The following ZCCHC24 variants were observed in gnomAD, a reference collection of about 807,000 sequenced individuals.
ZCCHC24 encodes the protein zinc finger CCHC domain-containing protein 24.
In ZCCHC24, 10 loss-of-function variants were observed where a neutral mutation model predicts 26.2. That is an observed-to-expected ratio of 0.38 (90% CI 0.24 to 0.65). The LOEUF (loss-of-function observed/expected upper bound fraction) is 0.65. Ranked by LOEUF, ZCCHC24 falls within the 30% of genes least tolerant of loss-of-function variation. The pLI is 0.54. For missense variants in ZCCHC24, 243 were observed against 329.1 expected (o/e 0.74, Z 2.03); for synonymous variants, 144 against 147.1 (o/e 0.98, Z 0.15).
At chr10:79,431,660 G>A (rs1378362553) in intron 2 of ZCCHC24, among the ~76,000 whole-genome samples, 1 of 152,144 alleles carries the variant, frequency 6.6e-6, no homozygotes, top group African/African-American at 2.4e-5. Context: ...AAGGGACCCA[G>A]CCCCACCCAA....
intron 2 of ZCCHC24, among the ~76,000 whole-genome samples, chr10:79,426,064 G>A (rs1181609916): frequency 1.3e-5 from 2 of 152,158 alleles, no homozygotes; most frequent in Non-Finnish European, 2.9e-5. Flanking sequence ...TCCTGCCAGT[G>A]TCCAATCCCC....
chr10:79,411,921 TC>T (rs1434869770), intron 2 of ZCCHC24, among the ~76,000 whole-genome samples: 1 of 152,104 alleles, frequency 6.6e-6, no homozygotes, highest in Non-Finnish European at 1.5e-5. Flanking sequence ...CCGTCCCCAG[TC>T]CCTGGAGCAC....
chr10:79,443,958 T>C, intron 1 of ZCCHC24: 1 of 1,149,668 alleles, frequency 8.7e-7, no homozygotes, highest in Non-Finnish European at 1.2e-6. Context: ...CAGCATTTTA[T>C]ATGTCCATGC....
Position 79,386,142 on chromosome 10 carries a change from C to T in ZCCHC24, c.*203G>A, listed in dbSNP as rs1257219924. On this transcript the variant is annotated 3_prime_UTR_variant, in exon 4 of 4. Transcript: ENST00000372336. ...AAAAAGCCCCAGACTCCCTGCTTTC[C>T]CTGGCCTGTGGGGGGCAGCAATGTC... The T allele has an allele frequency of 3.3e-6, 2 of 608,172 alleles. No individual in the cohort carries two copies. The highest frequency in any genetic ancestry group is 6.1e-6 in the Non-Finnish European group (2 of 329,850). 37.7% of individuals were successfully genotyped at this position (608,172 alleles called of 1,614,324 possible).
At chr10:79,389,529 A>AGTGT (rs5786399) in intron 3 of ZCCHC24, among the ~76,000 whole-genome samples, 50,548 of 146,112 alleles carry the variant, frequency 0.35, 8,980 homozygotes, top group East Asian at 0.56. Context: ...ACTTTTTCCT[A>AGTGT]GTGTGTGTGT....
chr10:79,396,261 ACACTGGGGCTGTTT>A (rs1856545429), intron 2 of ZCCHC24, among the ~76,000 whole-genome samples: 1 of 152,212 alleles, frequency 6.6e-6, no homozygotes, highest in South Asian at 2.1e-4. Context: ...TAGATGATAG[ACACTGGGGCTGTTT>A]CTAATGTTTG....
intron 1 of ZCCHC24, among the ~76,000 whole-genome samples, chr10:79,436,956 C>T (rs1857224757): frequency 6.6e-6 from 1 of 152,216 alleles, no homozygotes; most frequent in Non-Finnish European, 1.5e-5. Flanking sequence ...ATCTGGGGGA[C>T]CATGCATCAC....
At chr10:79,410,593 G>C (rs1856776955) in intron 2 of ZCCHC24, among the ~76,000 whole-genome samples, 1 of 152,248 alleles carries the variant, frequency 6.6e-6, no homozygotes, top group African/African-American at 2.4e-5. Context: ...TTGAGGCTTG[G>C]AGGCCAGGCC....
At chr10:79,401,212 C>T (rs1185106701) in intron 2 of ZCCHC24, among the ~76,000 whole-genome samples, 3 of 152,214 alleles carry the variant, frequency 2.0e-5, no homozygotes, top group Non-Finnish European at 4.4e-5. Flanking sequence ...TACCTCCCAG[C>T]CTGAGGTATG....
chr10:79,408,059 A>G (rs1856742545), intron 2 of ZCCHC24, among the ~76,000 whole-genome samples: 1 of 152,170 alleles, frequency 6.6e-6, no homozygotes, highest in African/African-American at 2.4e-5. Context: ...GCAAAGGAAC[A>G]CAGAGCCTGC....
At chr10:79,402,926 T>C (rs1856656803) in intron 2 of ZCCHC24, among the ~76,000 whole-genome samples, 1 of 152,206 alleles carries the variant, frequency 6.6e-6, no homozygotes, top group South Asian at 2.1e-4. Flanking sequence ...CAATATTCAT[T>C]TGTTCACCTA....
chr10:79,413,760 A>ATG (rs142243601), intron 2 of ZCCHC24, among the ~76,000 whole-genome samples: 15,031 of 144,166 alleles, frequency 0.1, 1,121 homozygotes, highest in African/African-American at 0.21. Flanking sequence ...GTGCGTGCGC[A>ATG]TGTGTGTGTG....
intron 2 of ZCCHC24, among the ~76,000 whole-genome samples, chr10:79,397,876 A>G (rs535892927): frequency 1.3e-5 from 2 of 152,222 alleles, no homozygotes; most frequent in Admixed American, 1.3e-4. Flanking sequence ...CTGGAGGTGG[A>G]CTCTGGGAAT....
chr10:79,409,872 G>A (rs1201014295), intron 2 of ZCCHC24, among the ~76,000 whole-genome samples: 2 of 152,214 alleles, frequency 1.3e-5, no homozygotes, highest in African/African-American at 2.4e-5. Flanking sequence ...GGGGAGGACG[G>A]GGGCTCTCAA....
At chr10:79,418,900 G>C (rs996425097) in intron 2 of ZCCHC24, among the ~76,000 whole-genome samples, 2 of 152,310 alleles carry the variant, frequency 1.3e-5, no homozygotes, top group South Asian at 2.1e-4. Flanking sequence ...CTCCCTGAGA[G>C]AGGTGGGCTC....
intron 2 of ZCCHC24, chr10:79,403,639 C>A (rs1414940000): frequency 1.9e-5 from 19 of 977,216 alleles, no homozygotes; most frequent in Non-Finnish European, 2.3e-5. Flanking sequence ...CTTGTCTGCG[C>A]ACAGCCGTCC....
At chr10:79,433,308 G>T (rs1227504565) in intron 1 of ZCCHC24, among the ~76,000 whole-genome samples, 2 of 152,170 alleles carry the variant, frequency 1.3e-5, no homozygotes, top group Admixed American at 6.5e-5. Flanking sequence ...CCAGCCCTTT[G>T]CCAGGTTTCC....
chr10:79,438,704 G>A (rs1857251521), intron 1 of ZCCHC24, among the ~76,000 whole-genome samples: 1 of 152,244 alleles, frequency 6.6e-6, no homozygotes, highest in Admixed American at 6.5e-5. Flanking sequence ...CACAAGTCTA[G>A]GTTATTTTTG....
chr10:79,421,527 T>C (rs1280481202), intron 2 of ZCCHC24, among the ~76,000 whole-genome samples: 1 of 151,186 alleles, frequency 6.6e-6, no homozygotes, highest in Non-Finnish European at 1.5e-5. Flanking sequence ...TGGGTGGCAG[T>C]ATAACACTTT....
Sources: gnomAD v4.1 joint callset for allele counts (sites outside exome capture counted in the v4.1 genomes callset) on GRCh38, gnomAD v4.1.1 for gene constraint, MANE v1.5 for transcripts, NCBI Gene and HGNC (gene_info 2026-07-23, HGNC 2026-07-21) for gene names.